The following CLIC5 variants were observed in gnomAD, a reference collection of about 807,000 sequenced individuals.
The protein encoded by CLIC5 is CLIC family member 5.
In CLIC5, 20 loss-of-function variants were observed where a neutral mutation model predicts 24.7. The observed-to-expected ratio is 0.81, with a 90% CI of 0.57 to 1.18. The LOEUF (loss-of-function observed/expected upper bound fraction) is 1.18. Among genes scored for constraint, CLIC5 ranks in the 50% most tolerant of loss-of-function variants. The probability of loss-of-function intolerance (pLI) is 0.00; values close to 1 mark genes in which losing one functional copy is unlikely to be tolerated. For synonymous variants in CLIC5, 159 were observed against 135.6 expected (o/e 1.17, Z -1.20); for missense variants, 341 against 326.1 (o/e 1.05, Z -0.35).
intron 1 of CLIC5, among the ~76,000 whole-genome samples, chr6:46,064,537 A>G (rs1267398627): frequency 6.6e-6 from 1 of 152,204 alleles, no homozygotes; most frequent in Non-Finnish European, 1.5e-5. Flanking sequence ...ATCTAGAAAC[A>G]TATCTACAAC....
At chr6:46,107,895 C>T in the CLIC5 span, among the ~76,000 whole-genome samples, 67,870 of 151,720 alleles carry the variant, frequency 0.45, 16,437 homozygotes, top group South Asian at 0.68. Flanking sequence ...ATTAGCCAAG[C>T]GTGGTGGCGC....
chr6:45,962,063 T>TACACACACACAC (rs74732121), intron 1 of CLIC5, among the ~76,000 whole-genome samples: 95 of 145,528 alleles, frequency 6.5e-4, no homozygotes, highest in East Asian at 6.1e-4. Flanking sequence ...TATATGTACA[T>TACACACACACAC]ACACACACAC....
At chr6:45,990,480 G>A (rs951521331) in intron 1 of CLIC5, among the ~76,000 whole-genome samples, 11 of 152,122 alleles carry the variant, frequency 7.2e-5, no homozygotes, top group Non-Finnish European at 1.3e-4. Context: ...AAGGATGGTG[G>A]GTTTCACATC....
intron 4 of CLIC5, chr6:45,937,412 C>A (rs1476792453): frequency 6.6e-6 from 1 of 152,178 alleles, no homozygotes; most frequent in Non-Finnish European, 1.5e-5. Context: ...TACCTTATTG[C>A]CAGATAAAGA....
intron 1 of CLIC5, among the ~76,000 whole-genome samples, chr6:46,069,173 G>A (rs940112726): frequency 2.6e-5 from 4 of 152,128 alleles, no homozygotes; most frequent in Non-Finnish European, 5.9e-5. Context: ...TGAATGAGGA[G>A]TGACAAGTAA....
chr6:45,920,448 C>G, intron 4 of CLIC5: 1 of 408,644 alleles, frequency 2.4e-6, no homozygotes, highest in Non-Finnish European at 3.3e-6. Context: ...CATTTGAGAT[C>G]ATGTTGATAT....
chr6:45,897,161 G>C (rs770637019), downstream of CLIC5, among the ~76,000 whole-genome samples: 2 of 152,090 alleles, frequency 1.3e-5, no homozygotes, highest in Non-Finnish European at 2.9e-5. Flanking sequence ...ACCCTCTCAG[G>C]GTCCCCAGAG....
At chr6:45,931,799 C>T (rs1349889627) in intron 4 of CLIC5, among the ~76,000 whole-genome samples, 1 of 152,118 alleles carries the variant, frequency 6.6e-6, no homozygotes, top group Non-Finnish European at 1.5e-5. Context: ...GCTGGAATTA[C>T]AGGTGTGCGC....
the CLIC5 span, among the ~76,000 whole-genome samples, chr6:46,102,010 A>G: frequency 2.0e-5 from 3 of 151,922 alleles, no homozygotes; most frequent in African/African-American, 7.3e-5. Context: ...ATGAGGAGTG[A>G]GATAATAGAA....
intron 5 of CLIC5, among the ~76,000 whole-genome samples, chr6:45,904,284 C>T (rs1056565168): frequency 5.9e-5 from 9 of 152,132 alleles, no homozygotes; most frequent in Non-Finnish European, 1.2e-4. Context: ...ATAGTAAATA[C>T]TCAATAAACA....
chr6:46,076,149 G>A, intron 1 of CLIC5, among the ~76,000 whole-genome samples: 1 of 152,198 alleles, frequency 6.6e-6, no homozygotes, highest in South Asian at 2.1e-4. Flanking sequence ...CAGAGTGAGT[G>A]AGGTTCCCCT....
At chr6:46,081,186 G>A (rs1368080044), upstream of CLIC5, among the ~76,000 whole-genome samples, 1 of 152,176 alleles carries the variant, frequency 6.6e-6, no homozygotes, top group Non-Finnish European at 1.5e-5. Context: ...GTATGCACAA[G>A]GCTGTTCAGT....
chr6:46,038,161 A>T (rs1281260169), intron 1 of CLIC5, among the ~76,000 whole-genome samples: 1 of 152,188 alleles, frequency 6.6e-6, no homozygotes, highest in Non-Finnish European at 1.5e-5. Flanking sequence ...ACTTGATCCT[A>T]TGCCTTCATT....
intron 3 of CLIC5, among the ~76,000 whole-genome samples, chr6:45,948,081 A>C (rs1275405022): frequency 6.6e-6 from 1 of 152,234 alleles, no homozygotes; most frequent in Non-Finnish European, 1.5e-5. Context: ...TGACTGTGAA[A>C]TGAGGATAAT....
rs542138530 is a variant in CLIC5, at chr6:45,948,425, A to G, written c.299+831T>C. ...GGATACCGACTTCCCTCAACCTCTAAAGTAGGTCTTAAAACGGACTCCCCA... is the reference window on the plus strand; with the variant it reads ...GGATACCGACTTCCCTCAACCTCTAGAGTAGGTCTTAAAACGGACTCCCCA... On this transcript the variant is annotated intron_variant, in intron 3 of 5. Transcript: ENST00000339561. Among the ~76,000 whole-genome samples the G allele has an allele frequency of 4.6e-5, 7 of 152,126 alleles. No homozygotes were observed. The South Asian group carries it at 1.5e-3, about 32-fold the overall frequency.
At chr6:46,055,855 GC>G (rs1351264174) in intron 1 of CLIC5, among the ~76,000 whole-genome samples, 3 of 152,198 alleles carry the variant, frequency 2.0e-5, no homozygotes, top group Non-Finnish European at 2.9e-5. Flanking sequence ...ACTGTATGAT[GC>G]CCTTTGTATG....
intron 1 of CLIC5, among the ~76,000 whole-genome samples, chr6:45,995,632 C>T (rs1307370247): frequency 1.3e-5 from 2 of 152,146 alleles, no homozygotes; most frequent in Non-Finnish European, 2.9e-5. Flanking sequence ...CCTAATGAGA[C>T]ATTTAGAAGC....
chr6:46,006,023 TGTATAA>T (rs1766550505), intron 1 of CLIC5, among the ~76,000 whole-genome samples: 14 of 132,490 alleles, frequency 1.1e-4, no homozygotes, highest in African/African-American at 3.6e-4. Flanking sequence ...TATACACACA[TGTATAA>T]ATATATATAC....
chr6:46,015,128 G>T (rs190825047), intron 1 of CLIC5, among the ~76,000 whole-genome samples: 36 of 152,348 alleles, frequency 2.4e-4, no homozygotes, highest in African/African-American at 7.2e-4. Flanking sequence ...CACGGGTCCA[G>T]CCAGGTTTCT....
Sources: gnomAD v4.1 joint callset for allele counts (sites outside exome capture counted in the v4.1 genomes callset) on GRCh38, gnomAD v4.1.1 for gene constraint, MANE v1.5 for transcripts, NCBI Gene and HGNC (gene_info 2026-07-23, HGNC 2026-07-21) for gene names.